The following CCDC138 variants were observed in gnomAD, a reference collection of about 807,000 sequenced individuals.
CCDC138 encodes coiled-coil domain-containing protein 138.
Under a neutral mutation model 82.3 loss-of-function variants are expected in CCDC138, and 66 were observed. The ratio of observed to expected loss-of-function variants is 0.80; its 90% CI spans 0.66 to 0.98. The LOEUF (loss-of-function observed/expected upper bound fraction) is 0.98, where lower values mean the gene tolerates loss of function less well. CCDC138 is among the 50% of genes least tolerant of loss of function. CCDC138 has a pLI of 0.00. For missense variants in CCDC138, 816 were observed against 758.9 expected (o/e 1.08, Z -0.88); for synonymous variants, 297 against 265.4 (o/e 1.12, Z -1.16).
rs539024473 is a variant in CCDC138, at chr2:108,807,891, G to C, written c.855+2883G>C. ...CCCGAAGTGCTCGGATTACAGGCCT[G>C]AGCCACTGTACCCAGCCCCTCCTAT... On this transcript the variant is annotated intron_variant, in intron 7 of 14. Coordinates refer to ENST00000295124, the MANE Select transcript of CCDC138 (RefSeq NM_144978.3). Among the ~76,000 whole-genome samples the C allele has an allele frequency of 1.2e-4, 19 of 152,322 alleles. No homozygotes were observed. The East Asian group carries it at 3.7e-3, about 29-fold the overall frequency.
At chr2:108,856,358 G>A (rs549795978) in intron 12 of CCDC138, among the ~76,000 whole-genome samples, 3 of 152,212 alleles carry the variant, frequency 2.0e-5, no homozygotes, top group East Asian at 3.9e-4. Context: ...CATTTAGCAC[G>A]TTTGTATAAA....
intron 10 of CCDC138, among the ~76,000 whole-genome samples, chr2:108,828,354 T>G (rs1686995203): frequency 1.3e-5 from 2 of 152,208 alleles, no homozygotes; most frequent in African/African-American, 2.4e-5. Flanking sequence ...AGAATACTAC[T>G]TATCCTAAAA....
chr2:108,882,357 C>CAGTAAAGTTGAAGTGCAACAAAATTAG (rs1558784624), intron 1 of CCDC138: 4 of 152,162 alleles, frequency 2.6e-5, no homozygotes, highest in Non-Finnish European at 5.9e-5. Context: ...CTCTGAACCA[C>CAGTAAAGTTGAAGTGCAACAAAATTAG]AGTAAAGTTG....
At chr2:108,835,545 G>A (rs887499770) in intron 10 of CCDC138, among the ~76,000 whole-genome samples, 5 of 152,016 alleles carry the variant, frequency 3.3e-5, no homozygotes, top group African/African-American at 9.7e-5. Flanking sequence ...GCTTACAGAT[G>A]GTATAATGAA....
At chr2:108,852,210 A>G (rs1353373067) in intron 12 of CCDC138, among the ~76,000 whole-genome samples, 1 of 152,210 alleles carries the variant, frequency 6.6e-6, no homozygotes, top group Non-Finnish European at 1.5e-5. Flanking sequence ...GCTGCACACA[A>G]TCAGTATGTG....
chr2:108,790,120 AAAT>A (rs1309168180), intron 3 of CCDC138, among the ~76,000 whole-genome samples: 3 of 152,172 alleles, frequency 2.0e-5, no homozygotes, highest in Non-Finnish European at 2.9e-5. Flanking sequence ...AGTTCTGGGT[AAAT>A]AATAAGTACT....
At chr2:108,874,952 G>T (rs1695808748) in intron 14 of CCDC138, among the ~76,000 whole-genome samples, 1 of 150,608 alleles carries the variant, frequency 6.6e-6, no homozygotes, top group African/African-American at 2.4e-5. Flanking sequence ...GTCCCAAAGT[G>T]CAAGTATAAC....
At chr2:108,823,430 T>TGC (rs1686047490) in intron 10 of CCDC138, among the ~76,000 whole-genome samples, 1 of 152,256 alleles carries the variant, frequency 6.6e-6, no homozygotes, top group Non-Finnish European at 1.5e-5. Context: ...ATGTGTTGCT[T>TGC]AACAATAGGA....
chr2:108,809,091 G>GT (rs1399123746), intron 7 of CCDC138, among the ~76,000 whole-genome samples: 1 of 152,062 alleles, frequency 6.6e-6, no homozygotes, highest in Non-Finnish European at 1.5e-5. Flanking sequence ...CCTTATTAAT[G>GT]TTGTTGGCAC....
At position 108,798,511 on chromosome 2, in the gene CCDC138, C is replaced by A. The variant is rs1420674961; in HGVS notation, c.660C>A (p.Phe220Leu). ...TACTTGAAAGAGAACAACTGCTTTT[C>A]AGACATGAAAATGCCTTGAGTAAAA... is the stretch of plus-strand genomic sequence containing the variant. ...RFLLEREQLL[F>L]RHENALSKIK... Residue 220 changes from phenylalanine (F) to leucine (L), a missense_variant, in exon 6 of 15, where the codon TTC (phenylalanine) becomes TTA (leucine). Physicochemically the swap from Phe to Leu is conservative, Grantham distance 22. Coordinates refer to ENST00000295124, the MANE Select transcript of CCDC138 (RefSeq NM_144978.3). 6.2e-7 allele frequency: 1 copy of A among 1,613,862 alleles called. No individual in the cohort carries two copies.
intron 9 of CCDC138, 85 bp downstream of exon 9, chr2:108,813,012 G>A (rs1684148106): frequency 4.9e-6 from 5 of 1,019,704 alleles, no homozygotes; most frequent in Middle Eastern, 3.1e-4. Context: ...CACTTTGGGA[G>A]GCTGAGATGG....
chr2:108,866,649 C>G (rs1237034836), intron 13 of CCDC138, among the ~76,000 whole-genome samples: 1 of 152,152 alleles, frequency 6.6e-6, no homozygotes, highest in Non-Finnish European at 1.5e-5. Flanking sequence ...CTTTGGGAGG[C>G]TGAGGCAGGT....
At chr2:108,788,381 C>T (rs181654465) in intron 2 of CCDC138, among the ~76,000 whole-genome samples, 67 of 150,706 alleles carry the variant, frequency 4.4e-4, no homozygotes, top group African/African-American at 1.6e-3. Context: ...GATGGCGCCA[C>T]TACACTCCAG....
chr2:108,878,701 A>G (rs1696188636), downstream of CCDC138, among the ~76,000 whole-genome samples: 2 of 152,228 alleles, frequency 1.3e-5, no homozygotes, highest in African/African-American at 4.8e-5. Flanking sequence ...TGTTAGTAGT[A>G]AGTATCTGGG....
At chr2:108,802,483 T>A (rs1682092054) in intron 6 of CCDC138, among the ~76,000 whole-genome samples, 1 of 144,880 alleles carries the variant, frequency 6.9e-6, no homozygotes, top group Admixed American at 6.9e-5. Flanking sequence ...TGATTTTGTA[T>A]CCTGAGACTT....
intron 12 of CCDC138, 42 bp from the exon 13 acceptor site, chr2:108,856,752 G>A (rs745465667): frequency 6.3e-6 from 10 of 1,584,178 alleles, no homozygotes; most frequent in Admixed American, 1.9e-5. Flanking sequence ...TTGACACCTA[G>A]ACTAGCAAAA....
intron 7 of CCDC138, among the ~76,000 whole-genome samples, chr2:108,808,771 T>G (rs911451581): frequency 6.6e-6 from 1 of 152,232 alleles, no homozygotes; most frequent in Non-Finnish European, 1.5e-5. Flanking sequence ...ATGAATAGTT[T>G]GCATATATTT....
Position 108,812,715 on chromosome 2 carries a change from T to TG in CCDC138, c.933+8dup. ...TCGTTTAGATAATTTACAGGTAAGTTGCCTGTTCTTCTCTACAGACAGAAG... is the reference window on the plus strand; with the variant it reads ...TCGTTTAGATAATTTACAGGTAAGTTGGCCTGTTCTTCTCTACAGACAGAAG... On this transcript the variant is annotated splice_region_variant and intron_variant, in intron 8 of 14. Coordinates refer to ENST00000295124, the MANE Select transcript of CCDC138 (RefSeq NM_144978.3). 5.0e-6 allele frequency: 8 copies of TG among 1,606,078 alleles called. No homozygotes were observed. Among genetic ancestry groups the TG allele is most frequent in the Non-Finnish European group, 6.8e-6 (8 of 1,172,886 alleles).
At chr2:108,849,021 A>G (rs970973665) in intron 12 of CCDC138, among the ~76,000 whole-genome samples, 2 of 152,194 alleles carry the variant, frequency 1.3e-5, no homozygotes, top group Non-Finnish European at 2.9e-5. Flanking sequence ...AAGGGGATAC[A>G]TGGAAGATAC....
Sources: gnomAD v4.1 joint callset for allele counts (sites outside exome capture counted in the v4.1 genomes callset) on GRCh38, gnomAD v4.1.1 for gene constraint, MANE v1.5 for transcripts, NCBI Gene and HGNC (gene_info 2026-07-23, HGNC 2026-07-21) for gene names.